The following NSUN6 variants were observed in gnomAD, a reference collection of about 807,000 sequenced individuals.
NSUN6 encodes the protein NOP2/Sun RNA methyltransferase 6.
NSUN6 carries 64 observed loss-of-function variants against 58.0 expected under a neutral mutation model. The observed-to-expected ratio is 1.10, with a 90% CI of 0.90 to 1.36. The LOEUF is 1.36. Among genes scored for constraint, NSUN6 ranks in the 40% most tolerant of loss-of-function variants. The pLI is 0.00. For synonymous variants in NSUN6, 231 were observed against 193.9 expected, an observed-to-expected ratio of 1.19 and a Z score of -1.59; for missense variants, 701 against 550.1, an observed-to-expected ratio of 1.27 and a Z score of -2.74.
chr10:18,576,616 C>A (rs535263268), intron 8 of NSUN6, among the ~76,000 whole-genome samples: 1 of 152,324 alleles, frequency 6.6e-6, no homozygotes, highest in South Asian at 2.1e-4. Flanking sequence ...GGTCAGCCCC[C>A]GAGGGCCATC....
chr10:18,596,930 G>T (rs996949255), intron 6 of NSUN6, among the ~76,000 whole-genome samples: 1 of 151,972 alleles, frequency 6.6e-6, no homozygotes, highest in South Asian at 2.1e-4. Flanking sequence ...TGCCATTTTG[G>T]CCGCCTCATC....
intron 4 of NSUN6, among the ~76,000 whole-genome samples, chr10:18,615,831 A>G (rs1263042926): frequency 6.6e-6 from 1 of 152,210 alleles, no homozygotes; most frequent in Non-Finnish European, 1.5e-5. Flanking sequence ...TTCAGAGTCC[A>G]GGTTCTGGAT....
In NSUN6 at chr10:18,548,257, G is replaced by C. The variant is rs766970826; in HGVS notation, c.1072-20C>G. The C allele has an allele frequency of 3.1e-6, 5 of 1,603,798 alleles. No individual in the cohort carries two copies. In the East Asian group the frequency reaches 1.1e-4, roughly 36 times the overall value. On this transcript the variant is annotated intron_variant, in intron 9 of 10. Transcript: ENST00000377304. ...AACCGCCTAAAGAAAACTGTGATCA[G>C]ACCACACACAGCACAAGACCAGATA...
chr10:18,568,135 C>T (rs2056100196), intron 8 of NSUN6, among the ~76,000 whole-genome samples: 1 of 150,830 alleles, frequency 6.6e-6, no homozygotes, highest in Non-Finnish European at 1.5e-5. Flanking sequence ...CATTACATTA[C>T]ATTTCTCATG....
At chr10:18,558,387 T>C (rs892047602) in intron 8 of NSUN6, among the ~76,000 whole-genome samples, 8 of 149,382 alleles carry the variant, frequency 5.4e-5, no homozygotes, top group Non-Finnish European at 8.9e-5. Flanking sequence ...TGGAATGGAA[T>C]GCAGTGGTGA....
intron 7 of NSUN6, among the ~76,000 whole-genome samples, chr10:18,594,670 C>T (rs955688960): frequency 6.6e-6 from 1 of 152,096 alleles, no homozygotes; most frequent in African/African-American, 2.4e-5. Flanking sequence ...TGGATGGTCT[C>T]GATCTCTTAA....
chr10:18,602,019 G>A (rs2057861904), intron 6 of NSUN6, among the ~76,000 whole-genome samples: 1 of 151,774 alleles, frequency 6.6e-6, no homozygotes. Context: ...CTGGGGGAGA[G>A]TGGCTTTGTG....
rs1306776679 is a variant in NSUN6 at position 18,634,903 on chromosome 10, G to C, written c.311+7573C>G. 9.2e-5 allele frequency among the ~76,000 whole-genome samples: 14 copies of C among 152,176 alleles called. 1 individual carries two copies. The highest frequency in any genetic ancestry group is 8.5e-4 in the Admixed American group (13 of 15,278). On this transcript the variant is annotated intron_variant, in intron 3 of 10. Transcript: ENST00000377304. ...GCGGTTCTTAGAAAGGGTTGCTTGA[G>C]AGGATGGGTCTTGGCTAGCTAAGCA...
At chr10:18,600,526 G>T (rs1454521685) in intron 6 of NSUN6, among the ~76,000 whole-genome samples, 1 of 152,110 alleles carries the variant, frequency 6.6e-6, no homozygotes, top group Non-Finnish European at 1.5e-5. Context: ...TTGGGAGGCT[G>T]AGGCAGGAAG....
intron 6 of NSUN6, among the ~76,000 whole-genome samples, chr10:18,602,386 G>A (rs906331774): frequency 2.6e-5 from 4 of 152,086 alleles, no homozygotes; most frequent in Admixed American, 6.6e-5. Context: ...TGGGAATACA[G>A]GTGCCCGCCA....
chr10:18,648,736 T>G (rs2059621505), intron 1 of NSUN6, 91 bp from the exon 2 acceptor site: 1 of 700,704 alleles, frequency 1.4e-6, no homozygotes. Context: ...GAAACATCGC[T>G]TAGCAATTGT....
chr10:18,590,562 G>C (rs1467734335), intron 7 of NSUN6, among the ~76,000 whole-genome samples: 4 of 152,182 alleles, frequency 2.6e-5, no homozygotes, highest in Non-Finnish European at 5.9e-5. Context: ...CAGTCTCTCA[G>C]ACCACAGTGC....
chr10:18,627,763 A>T (rs1361329926), intron 3 of NSUN6, among the ~76,000 whole-genome samples: 2 of 152,262 alleles, frequency 1.3e-5, no homozygotes, highest in African/African-American at 2.4e-5. Context: ...TCCTACGCCC[A>T]CGGAGTCTCG....
chr10:18,650,359 T>C (rs1046798053), intron 1 of NSUN6, among the ~76,000 whole-genome samples: 13 of 152,242 alleles, frequency 8.5e-5, no homozygotes, highest in African/African-American at 3.1e-4. Flanking sequence ...CTGAGGACTT[T>C]AGCAAATAAA....
At chr10:18,643,774 G>A (rs572827656) in intron 2 of NSUN6, among the ~76,000 whole-genome samples, 2 of 152,154 alleles carry the variant, frequency 1.3e-5, no homozygotes, top group East Asian at 1.9e-4. Context: ...AATGAACTTT[G>A]ATTTTTGTTT....
intron 8 of NSUN6, among the ~76,000 whole-genome samples, chr10:18,584,339 C>G (rs974716481): frequency 1.3e-5 from 2 of 152,226 alleles, no homozygotes; most frequent in African/African-American, 4.8e-5. Flanking sequence ...AAAGGTGAAG[C>G]AGCACATATA....
At chr10:18,593,737 T>C (rs112424764) in intron 7 of NSUN6, among the ~76,000 whole-genome samples, 3,167 of 152,102 alleles carry the variant, frequency 0.021, 118 homozygotes, top group African/African-American at 0.073. Flanking sequence ...GGGATAGCAT[T>C]AGGAAAAATA....
intron 3 of NSUN6, among the ~76,000 whole-genome samples, chr10:18,622,579 T>C (rs2058649213): frequency 6.6e-6 from 1 of 152,172 alleles, no homozygotes; most frequent in South Asian, 2.1e-4. Context: ...CTCAGCGTGG[T>C]GGCAGACGCC....
chr10:18,615,130 C>T (rs975197761), intron 4 of NSUN6, among the ~76,000 whole-genome samples: 4 of 130,232 alleles, frequency 3.1e-5, no homozygotes, highest in African/African-American at 1.2e-4. Flanking sequence ...TATATATATA[C>T]ACACACATAT....
Sources: allele counts gnomAD v4.1 joint callset (sites outside exome capture counted in the v4.1 genomes callset), GRCh38; gene constraint gnomAD v4.1.1; transcripts MANE v1.5; gene names NCBI Gene and HGNC (gene_info 2026-07-23, HGNC 2026-07-21).